Variants in B3GALNT2 observed in about 807,000 individuals in gnomAD.
B3GALNT2 encodes the protein beta-1,3-N-acetylgalactosaminyltransferase 2.
A neutral mutation model predicts 61.1 loss-of-function variants in B3GALNT2; 53 were observed. The ratio of observed to expected loss-of-function variants is 0.87; its 90% confidence interval spans 0.70 to 1.09. The LOEUF (loss-of-function observed/expected upper bound fraction) is 1.09, where lower values mean the gene tolerates loss of function less well. Ranked by LOEUF, B3GALNT2 falls within the 50% of genes least tolerant of loss-of-function variation. The pLI, the probability that B3GALNT2 is intolerant of heterozygous loss-of-function variation, is 0.00. For synonymous variants in B3GALNT2, 223 were observed against 237.4 expected (o/e 0.94, Z 0.56); for missense variants, 544 against 623.0 (o/e 0.87, Z 1.35).
At chr1:235,470,712 T>C (rs1401321161) in intron 6 of B3GALNT2, 138 bp downstream of exon 6, 1 of 1,289,018 alleles carries the variant, frequency 7.8e-7, no homozygotes, top group African/African-American at 1.5e-5. Context: ...GACAACAACA[T>C]TTGCTACTAT....
chr1:235,471,181 A>G lies in B3GALNT2; in HGVS notation c.652-221T>C, dbSNP rs1239777428. ...ACCAATTACAAAGAGTATATACACA[A>G]TTTTGCATACTGCTGTTTGCCATTT... On this transcript the variant is annotated intron_variant, in intron 5 of 11. Transcript: ENST00000366600. Among the ~76,000 whole-genome samples the G allele has an allele frequency of 8.5e-5, 13 of 152,164 alleles. No individual in the cohort carries two copies. In the East Asian group the frequency reaches 2.5e-3, roughly 29 times the overall value.
At chr1:235,446,837 G>A (rs1007555831), downstream of B3GALNT2, among the ~76,000 whole-genome samples, 1 of 151,612 alleles carries the variant, frequency 6.6e-6, no homozygotes, top group African/African-American at 2.4e-5. Flanking sequence ...GGCGTACATC[G>A]CTATGCTTGG....
chr1:235,448,300 G>A lies in B3GALNT2; in HGVS notation c.*1906C>T. The A allele has an allele frequency of 6.7e-7, 1 of 1,497,676 alleles. No individual in the cohort carries two copies. Among genetic ancestry groups the A allele is most frequent in the Non-Finnish European group, 9.3e-7 (1 of 1,075,384 alleles). 92.8% of individuals were successfully genotyped at this position (1,497,676 alleles called of 1,614,324 possible). ...TCTCATCACATGAGCTAGTTTTACA[G>A]GTAACTGTCATTTGAGAGAACGAAT... On this transcript the variant is annotated 3_prime_UTR_variant, in exon 12 of 12. Coordinates refer to ENST00000366600, the MANE Select transcript of B3GALNT2 (RefSeq NM_152490.5).
At chr1:235,491,538 C>T (rs291400) in intron 2 of B3GALNT2, among the ~76,000 whole-genome samples, 68,759 of 151,912 alleles carry the variant, frequency 0.45, 16,189 homozygotes, top group Non-Finnish European at 0.5. Flanking sequence ...CACAACTGAG[C>T]TTCTTTCCCA....
At chr1:235,471,728 T>A (rs1382863618) in intron 5 of B3GALNT2, among the ~76,000 whole-genome samples, 1 of 152,252 alleles carries the variant, frequency 6.6e-6, no homozygotes, top group East Asian at 1.9e-4. Context: ...AATGGTGCGA[T>A]CATGGCTCAC....
intron 1 of B3GALNT2, among the ~76,000 whole-genome samples, chr1:235,501,351 T>G (rs1002179300): frequency 6.6e-6 from 1 of 152,246 alleles, no homozygotes; most frequent in Admixed American, 6.5e-5. Context: ...ACTCTGGTAC[T>G]AAGGTGACTC....
the B3GALNT2 span, among the ~76,000 whole-genome samples, chr1:235,440,402 A>AT: frequency 2.3e-4 from 35 of 151,620 alleles, no homozygotes; most frequent in South Asian, 4.2e-4. Context: ...ATATATATAT[A>AT]TTTTTTTGAG....
chr1:235,503,377 G>A (rs1685673404), intron 1 of B3GALNT2, among the ~76,000 whole-genome samples: 1 of 152,232 alleles, frequency 6.6e-6, no homozygotes, highest in East Asian at 1.9e-4. Context: ...ACAATCCGCT[G>A]GGCACCGTAA....
intron 11 of B3GALNT2, 46 bp from the exon 12 acceptor site, chr1:235,450,386 T>G (rs560048352): frequency 6.3e-7 from 1 of 1,598,052 alleles, no homozygotes; most frequent in Non-Finnish European, 8.6e-7. Context: ...TGAAACTGTT[T>G]TAAGAGCATC....
At chr1:235,492,836 C>T (rs530270996) in intron 2 of B3GALNT2, among the ~76,000 whole-genome samples, 97 of 152,052 alleles carry the variant, frequency 6.4e-4, no homozygotes, top group African/African-American at 1.0e-3. Flanking sequence ...TGAGAGAGGA[C>T]GTAGGAAATG....
At chr1:235,441,691 C>T in the B3GALNT2 span, 1 of 828,124 alleles carries the variant, frequency 1.2e-6, no homozygotes, top group Middle Eastern at 2.2e-4. Context: ...AAGGCAGCTC[C>T]ATGTGTCCTG....
chr1:235,455,873 T>C (rs1683146645), intron 8 of B3GALNT2, among the ~76,000 whole-genome samples, 189 bp from the exon 9 acceptor site: 1 of 152,246 alleles, frequency 6.6e-6, no homozygotes, highest in African/African-American at 2.4e-5. Context: ...TGGTCTTTAC[T>C]AAATGGCATA....
Position 235,455,720 on chromosome 1 carries a change from C to CCAAA in B3GALNT2, c.1026-40_1026-37dup, listed in dbSNP as rs138874913. 5.0e-6 allele frequency: 8 copies of CCAAA among 1,585,736 alleles called. No individual in the cohort carries two copies. In the African/African-American group the frequency reaches 6.8e-5, roughly 13 times the overall value. ...AAAAGGGATAAGAAAGTCAGTGCGA[C>CCAAA]CAAACAAACAAACACCAATGCAGTG... is the stretch of plus-strand genomic sequence containing the variant. On this transcript the variant is annotated intron_variant, in intron 8 of 11. Coordinates refer to ENST00000366600, the MANE Select transcript of B3GALNT2 (RefSeq NM_152490.5).
intron 5 of B3GALNT2, among the ~76,000 whole-genome samples, chr1:235,474,377 G>A (rs988906147): frequency 3.3e-5 from 5 of 152,104 alleles, no homozygotes; most frequent in African/African-American, 4.8e-5. Flanking sequence ...CTCCTTTCAC[G>A]CATCAACTCT....
At chr1:235,442,823 A>G (rs778291075), downstream of B3GALNT2, 17 of 1,606,500 alleles carry the variant, frequency 1.1e-5, no homozygotes, top group African/African-American at 2.7e-5. Context: ...GTAGATATCA[A>G]TTAGTCTTTT....
intron 5 of B3GALNT2, among the ~76,000 whole-genome samples, chr1:235,474,969 A>T (rs1484953334): frequency 7.0e-5 from 2 of 28,776 alleles, no homozygotes; most frequent in South Asian, 1.2e-3. Flanking sequence ...ATATATATAT[A>T]TATATATATA....
intron 9 of B3GALNT2, 113 bp from the exon 10 acceptor site, chr1:235,454,428 A>C (rs1572483373): frequency 1.2e-5 from 13 of 1,081,274 alleles, no homozygotes; most frequent in African/African-American, 1.2e-4. Context: ...GAAGTGAGGA[A>C]AGAAAATAAG....
intron 9 of B3GALNT2, 58 bp from the exon 10 acceptor site, chr1:235,454,373 TA>T: frequency 6.8e-7 from 1 of 1,466,820 alleles, no homozygotes; most frequent in Non-Finnish European, 9.3e-7. Context: ...CTGCCACTAT[TA>T]AAACTTGACT....
At position 235,448,079 on chromosome 1, in the gene B3GALNT2, G is replaced by A. The variant is rs530638476; in HGVS notation, c.*2127C>T. ...CAAAAGTTAGCTGGGTGTGGTGATG[G>A]GCACCAGCTACTCAGGAGGCTGAGG... On this transcript the variant is annotated 3_prime_UTR_variant, in exon 12 of 12. Transcript: ENST00000366600. Among the ~76,000 whole-genome samples, 2 of 152,050 alleles carry A rather than the reference G, an allele frequency of 1.3e-5. No homozygotes were observed. The highest frequency in any genetic ancestry group is 4.2e-4 in the South Asian group (2 of 4,804).
Sources: gnomAD v4.1 joint callset for allele counts (sites outside exome capture counted in the v4.1 genomes callset) on GRCh38, gnomAD v4.1.1 for gene constraint, MANE v1.5 for transcripts, NCBI Gene and HGNC (gene_info 2026-07-23, HGNC 2026-07-21) for gene names.